Variants in RNF213 observed in about 807,000 individuals in gnomAD.
RNF213 encodes ring finger protein 213.
A neutral mutation model predicts 514.4 loss-of-function variants in RNF213; 341 were observed. That is an observed-to-expected ratio of 0.66 (90% CI 0.61 to 0.73). The LOEUF (loss-of-function observed/expected upper bound fraction) is 0.73, where lower values mean the gene tolerates loss of function less well. RNF213 is among the 30% of genes least tolerant of loss of function. The pLI is 0.00. For synonymous variants in RNF213, 2,655 were observed against 2,658.2 expected, an observed-to-expected ratio of 1.00 and a Z score of 0.04; for missense variants, 5,767 against 6,615.6, an observed-to-expected ratio of 0.87 and a Z score of 4.45.
In RNF213 at chr17:80,351,956, G is replaced by T; in HGVS notation, c.10303+153G>T. On this transcript the variant is annotated intron_variant, in intron 32 of 67. Coordinates refer to ENST00000582970, the MANE Select transcript of RNF213 (RefSeq NM_001256071.3). ...TACAACCTCAATCTCCTGGGTTCAA[G>T]CGATTCTCCTGCCTCAGCCTCCCAA... The T allele has an allele frequency of 5.6e-6, 3 of 533,300 alleles. No individual in the cohort carries two copies. In the South Asian group the frequency reaches 6.4e-5, roughly 11 times the overall value. The allele number at this position is 533,300 out of a possible 1,614,324, so 33.0% of individuals were successfully genotyped here.
intron 3 of RNF213, among the ~76,000 whole-genome samples, chr17:80,280,416 G>A (rs2044217701): frequency 6.6e-6 from 1 of 152,152 alleles, no homozygotes; most frequent in Admixed American, 6.6e-5. Flanking sequence ...ACTAATTAAT[G>A]TATAACAGTA....
Position 80,379,986 on chromosome 17 carries a change from G to A in RNF213, c.13640+272G>A, listed in dbSNP as rs534602828. ...CAGGTGTCTTCCTTTTGGGCCTTGG[G>A]TGCACCTTCTGTAGAAATATGCATG... On this transcript the variant is annotated intron_variant, in intron 55 of 67. Transcript: ENST00000582970. Among the ~76,000 whole-genome samples, 6 of 152,182 alleles carry A rather than the reference G, an allele frequency of 3.9e-5. No homozygotes were observed. In the East Asian group the frequency reaches 1.2e-3, roughly 29 times the overall value.
In RNF213 at chr17:80,369,602, A is replaced by G; in HGVS notation, c.12256A>G (p.Lys4086Glu). 12 of 1,614,196 alleles carry G rather than the reference A, an allele frequency of 7.4e-6. No homozygotes were observed. The highest frequency in any genetic ancestry group is 1.0e-5 in the Non-Finnish European group (12 of 1,180,030). ...CTTCAAGGACAACGCTCCGCCTGAG[A>G]AGGAAGTGATTGAGAGCCTGCTCTC... ...ICFKDNAPPEKEVIESLLSLL... is the reference protein window; with the variant it reads ...ICFKDNAPPEEEVIESLLSLL... The change falls in exon 45 of 68, where the codon AAG (lysine) becomes GAG (glutamate). Residue 4086 changes from lysine to glutamate, a missense_variant. Physicochemically the swap from Lys to Glu is moderately conservative, Grantham distance 56. Around this residue, in one of 13 missense-constraint regions of RNF213, gnomAD observed 93 missense variants for 95.6 expected, o/e 0.97. Transcript: ENST00000582970.
At position 80,374,584 on chromosome 17, in the gene RNF213, C is replaced by G; in HGVS notation, c.13069C>G (p.Leu4357Val). 1 of 1,614,168 alleles carries G rather than the reference C, an allele frequency of 6.2e-7. No homozygotes were observed. The highest frequency in any genetic ancestry group is 8.5e-7 in the Non-Finnish European group (1 of 1,180,016). Residue 4357 changes from leucine (L) to valine (V), a missense_variant, in exon 50 of 68, where the codon CTG becomes GTG. Around this residue, in one of 13 missense-constraint regions of RNF213, gnomAD observed 1,245 missense variants for 1,339.0 expected, o/e 0.93. Transcript: ENST00000582970. Reference protein sequence around the residue: ...ECKPLGIKTALKACKTPQSQQ... With the variant: ...ECKPLGIKTAVKACKTPQSQQ... ...CAAGCCACTGGGCATTAAGACTGCT[C>G]TGAAGGTAGGATGGGCCCGTGGCTT... is the stretch of plus-strand genomic sequence containing the variant.
Position 80,336,336 on chromosome 17 carries a change from G to A in RNF213, c.4485G>A (p.Leu1495=), listed in dbSNP as rs1220337035. The change falls in exon 23 of 68, where the codon CTG becomes CTA. Residue 1495 remains leucine (L), a synonymous_variant. Transcript: ENST00000582970. ...CATTCATGAAGCATCTGAAAAAGCT[G>A]TGGAAGGCTCTGGATAAGGACCAGT... ...FSAFMKHLKK[L]WKALDKDQYL... The A allele has an allele frequency of 2.6e-6, 4 of 1,537,174 alleles. No homozygotes were observed. The highest frequency in any genetic ancestry group is 3.5e-6 in the Non-Finnish European group (4 of 1,146,930).
intron 42 of RNF213, chr17:80,364,767 A>G (rs934422509): frequency 2.1e-5 from 12 of 575,302 alleles, no homozygotes; most frequent in Non-Finnish European, 3.4e-5. Flanking sequence ...AAGTCAGAGC[A>G]TATCATTTAG....
intron 54 of RNF213, chr17:80,379,350 TA>T (rs753324772): frequency 6.5e-5 from 31 of 476,562 alleles, no homozygotes; most frequent in Non-Finnish European, 1.0e-4. Context: ...GGTTGAATTT[TA>T]TATATTTGTC....
At chr17:80,368,974 T>C (rs1046874372) in intron 44 of RNF213, among the ~76,000 whole-genome samples, 21 of 152,316 alleles carry the variant, frequency 1.4e-4, no homozygotes, top group Admixed American at 4.6e-4. Flanking sequence ...CTTTGGGATA[T>C]TGAAGGGTAT....
chr17:80,272,674 C>T (rs944539709), intron 2 of RNF213, among the ~76,000 whole-genome samples: 4 of 152,152 alleles, frequency 2.6e-5, no homozygotes, highest in African/African-American at 4.8e-5. Context: ...GGACAAAGTG[C>T]GTCCACACCA....
chr17:80,341,931 T>C (rs7208136), intron 26 of RNF213: 110,899 of 152,020 alleles, frequency 0.73, 41,254 homozygotes, highest in African/African-American at 0.86. Context: ...CTCAGCCTCC[T>C]GAGTAGCTGG....
In RNF213 at chr17:80,334,136, C is replaced by T. The variant is rs916819416; in HGVS notation, c.4175C>T (p.Thr1392Ile). The stretch of plus-strand genomic sequence containing the variant: ...AACTTCGACGACTTTCGCCGTGAAA[C>T]ACTGGACCAGATCAACCAGGAGCTC... ...TDNFDDFRRE[T>I]LDQINQELIQ... The change falls in exon 22 of 68, where the codon ACA becomes ATA. Residue 1392 changes from threonine to isoleucine, a missense_variant. This residue lies in a region of RNF213 where 516 missense variants were observed against 566.5 expected (regional missense o/e 0.91). Transcript: ENST00000582970. The T allele has an allele frequency of 8.5e-6, 13 of 1,537,086 alleles. No homozygotes were observed. In the African/African-American group the frequency reaches 1.2e-4, roughly 15 times the overall value.
intron 13 of RNF213, among the ~76,000 whole-genome samples, chr17:80,308,189 C>T (rs2045438205): frequency 6.6e-6 from 1 of 152,026 alleles, no homozygotes; most frequent in African/African-American, 2.4e-5. Flanking sequence ...CTGAGCGGCT[C>T]GGGCACTTCC....
intron 19 of RNF213, 70 bp downstream of exon 19, chr17:80,328,059 G>C: frequency 2.0e-6 from 3 of 1,505,388 alleles, no homozygotes; most frequent in Non-Finnish European, 2.7e-6. Context: ...GTTTGTGTTT[G>C]CGTGTGCATT....
chr17:80,317,072 T>G lies in RNF213; in HGVS notation c.2812-116T>G. On this transcript the variant is annotated intron_variant, in intron 15 of 67. Transcript: ENST00000582970. This position sits in a 1 kb window ranked among gnomAD's most constrained non-coding sequence, Gnocchi z 4.1. ...ATGAAGGTTGGGGAGAGCCCTGGTG[T>G]TCGCGGAGTCCCGCGCTCTCTGTAT... 1 of 1,114,676 alleles carries G rather than the reference T, an allele frequency of 9.0e-7. No homozygotes were observed. Among genetic ancestry groups the G allele is most frequent in the Non-Finnish European group, 1.3e-6 (1 of 749,838 alleles). 69.0% of individuals were successfully genotyped at this position (1,114,676 alleles called of 1,614,324 possible).
intron 60 of RNF213, 43 bp from the exon 61 acceptor site, chr17:80,385,495 G>A (rs370465548): frequency 1.9e-6 from 3 of 1,574,100 alleles, no homozygotes; most frequent in Non-Finnish European, 1.7e-6. Context: ...CCCTTTCAGG[G>A]GGTTGCTATC....
chr17:80,386,986 A>C, intron 63 of RNF213, 95 bp downstream of exon 63: 3 of 1,212,462 alleles, frequency 2.5e-6, no homozygotes, highest in African/African-American at 3.0e-5. Context: ...GCAGCACCTC[A>C]CCCTGCAGTC....
rs146644034 is a variant in RNF213, at chr17:80,388,572, T to C, written c.14923-40T>C. 509 of 1,310,284 alleles carry C rather than the reference T, an allele frequency of 3.9e-4. 2 individuals carry two copies. Among genetic ancestry groups the C allele is most frequent in the South Asian group, 3.6e-3 (304 of 84,914 alleles). 81.2% of individuals were successfully genotyped at this position (1,310,284 alleles called of 1,614,324 possible). A position where few individuals can be genotyped will look rare whatever the true frequency, so the allele number is the denominator to read the frequency against. Reference sequence around the variant, plus strand: ...TGTCATCTGCTGGAAATGTCCACGATGGATTTAATTTTAAAAAACTTTTTT... The same window carrying C: ...TGTCATCTGCTGGAAATGTCCACGACGGATTTAATTTTAAAAAACTTTTTT... On this transcript the variant is annotated intron_variant, in intron 63 of 67. Transcript: ENST00000582970.
chr17:80,332,373 A>G lies in RNF213; in HGVS notation c.3885A>G (p.Ser1295=). ...KFIKLHQDLK[S]GEVTLAEIDV... The stretch of plus-strand genomic sequence containing the variant: ...TTAAGTTGCACCAGGATCTAAAGTC[A>G]GGAGAGGTCACCCTTGCAGAGATTG... The change falls in exon 21 of 68, where the codon TCA becomes TCG. Residue 1295 remains serine (S), a synonymous_variant. Transcript: ENST00000582970. 17 of 1,537,176 alleles carry G rather than the reference A, an allele frequency of 1.1e-5. No individual in the cohort carries two copies. Among genetic ancestry groups the G allele is most frequent in the Non-Finnish European group, 1.5e-5 (17 of 1,146,916 alleles).
intron 21 of RNF213, 88 bp downstream of exon 21, chr17:80,332,719 G>C (rs2046449776): frequency 7.1e-7 from 1 of 1,409,398 alleles, no homozygotes; most frequent in African/African-American, 1.4e-5. Context: ...GCTTTGAAAA[G>C]GGGGGCGGAT....
Sources: allele counts gnomAD v4.1 joint callset (sites outside exome capture counted in the v4.1 genomes callset), GRCh38; gene constraint gnomAD v4.1.1; regional missense constraint gnomAD v4.1.1; non-coding constraint Gnocchi (gnomAD v3.1); transcripts MANE v1.5; gene names NCBI Gene and HGNC (gene_info 2026-07-23, HGNC 2026-07-21).